Variants in DENND4B observed in about 807,000 individuals in gnomAD.
The protein encoded by DENND4B is DENN domain-containing protein 4B.
In DENND4B, 67 loss-of-function variants were observed where a neutral mutation model predicts 161.0. The ratio of observed to expected loss-of-function variants is 0.42; its 90% CI spans 0.34 to 0.51. DENND4B has a LOEUF of 0.51. DENND4B is among the 20% of genes least tolerant of loss of function. The pLI is 0.08. For synonymous variants in DENND4B, 753 were observed against 813.8 expected, an observed-to-expected ratio of 0.93 and a Z score of 1.27; for missense variants, 1,481 against 1,968.0, an observed-to-expected ratio of 0.75 and a Z score of 4.68.
At position 153,934,273 on chromosome 1, in the gene DENND4B, G is replaced by A. The variant is rs780801206; in HGVS notation, c.2803C>T (p.Arg935Cys). ...CAAGTAGTCTGGCGCTGAAGAGGGC[G>A]AGTAGGGGAAGGGCGCTCCAAATAG... ...EPYLERPSPT[R>C]PLQRQTTWAG... The change falls in exon 19 of 28, where the codon CGC (arginine) becomes TGC (cysteine). Residue 935 changes from arginine to cysteine, a missense_variant. Physicochemically the swap from Arg to Cys is radical, Grantham distance 180. Coordinates refer to ENST00000361217, the MANE Select transcript of DENND4B (RefSeq NM_014856.3). This position sits in a 1 kb window ranked among gnomAD's most constrained non-coding sequence, Gnocchi z 5.3. 1.0e-5 allele frequency: 16 copies of A among 1,595,264 alleles called. No homozygotes were observed. The highest frequency in any genetic ancestry group is 1.7e-4 in the Middle Eastern group (1 of 6,020).
Position 153,932,243 on chromosome 1 carries a change from G to T in DENND4B, c.3957C>A (p.Gly1319=), listed in dbSNP as rs1180900626. Reference sequence around the variant, plus strand: ...GCCCATCACAGGAGGCCAGCACCAGGCCTGGTAGAATACTGGGCAGGCGTA... The same window carrying T: ...GCCCATCACAGGAGGCCAGCACCAGTCCTGGTAGAATACTGGGCAGGCGTA... ...QRLRLPSILP[G]LVLASCDGPS... The change falls in exon 24 of 28, where the codon GGC becomes GGA. Residue 1319 remains glycine (G), a synonymous_variant. Transcript: ENST00000361217. The surrounding 1 kb of genome is among the most constrained non-coding windows in gnomAD (Gnocchi z 5.8). 1 of 1,613,992 alleles carries T rather than the reference G, an allele frequency of 6.2e-7. No homozygotes were observed. The highest frequency in any genetic ancestry group is 1.1e-5 in the South Asian group (1 of 91,078).
intron 11 of DENND4B, 45 bp from the exon 12 acceptor site, chr1:153,939,849 G>C (rs752663070): frequency 4.5e-5 from 71 of 1,585,208 alleles, no homozygotes; most frequent in Non-Finnish European, 5.9e-5. Flanking sequence ...CTCCCATAGT[G>C]TTACCCTCAA....
At chr1:153,931,107 G>GT (rs1678896388) in intron 24 of DENND4B, 43 bp from the exon 25 acceptor site, 1 of 1,487,514 alleles carries the variant, frequency 6.7e-7, no homozygotes, top group Non-Finnish European at 9.2e-7. Context: ...CTCAACGAAT[G>GT]GGAGGCAGAG....
Position 153,939,718 on chromosome 1 carries a change from G to A in DENND4B, c.1690C>T (p.Arg564Cys), listed in dbSNP as rs1480937743. The A allele has an allele frequency of 1.7e-5, 28 of 1,613,924 alleles. No homozygotes were observed. Among genetic ancestry groups the A allele is most frequent in the East Asian group, 6.7e-5 (3 of 44,864 alleles). Reference protein sequence around the residue: ...AVCGRRARLEREVQGAFLRFM... With the variant: ...AVCGRRARLECEVQGAFLRFM... ...CGGAGGAAGGCTCCTTGGACTTCGC[G>A]CTCCAGCCGGGCCCTGCGGCCACAC... The change falls in exon 12 of 28, where the codon CGC (arginine) becomes TGC (cysteine). Residue 564 changes from arginine (R) to cysteine (C), a missense_variant. By Grantham distance (180) the Arg-to-Cys change is radical. Around this residue, in one of 3 missense-constraint regions of DENND4B, gnomAD observed 806 missense variants for 1,134.4 expected, o/e 0.71. Coordinates refer to ENST00000361217, the MANE Select transcript of DENND4B (RefSeq NM_014856.3).
At position 153,932,401 on chromosome 1, in the gene DENND4B, G is replaced by A. The variant is rs1294996915; in HGVS notation, c.3799C>T (p.Leu1267=). The A allele has an allele frequency of 2.5e-6, 4 of 1,613,214 alleles. No individual in the cohort carries two copies. The highest frequency in any genetic ancestry group is 2.5e-6 in the Non-Finnish European group (3 of 1,179,566). The change falls in exon 24 of 28, where the codon CTG becomes TTG. Residue 1267 remains leucine, a synonymous_variant. Coordinates refer to ENST00000361217, the MANE Select transcript of DENND4B (RefSeq NM_014856.3). This position sits in a 1 kb window ranked among gnomAD's most constrained non-coding sequence, Gnocchi z 5.8. The part of the protein sequence containing the change: ...RRVESGAWAY[L]SPLVLRKELE... The stretch of plus-strand genomic sequence containing the variant: ...TCCTTACGCAGCACCAGGGGGCTCA[G>A]GTATGCCCATGCCCCACTCTCAACC...
Position 153,937,932 on chromosome 1 carries a change from G to C in DENND4B, c.1966-69C>G. 2 of 1,596,884 alleles carry C rather than the reference G, an allele frequency of 1.3e-6. No homozygotes were observed. The highest frequency in any genetic ancestry group is 8.6e-7 in the Non-Finnish European group (1 of 1,168,852). On this transcript the variant is annotated intron_variant, in intron 13 of 27. Coordinates refer to ENST00000361217, the MANE Select transcript of DENND4B (RefSeq NM_014856.3). The surrounding 1 kb of genome is among the most constrained non-coding windows in gnomAD (Gnocchi z 4.7). ...TGGAGCAGAGCCAGGGTGTCTAGAC[G>C]ATGGCATCTCCCAGGAAAGCTCATC... is the stretch of plus-strand genomic sequence containing the variant.
rs747839376 is a variant in DENND4B at position 153,936,687 on chromosome 1, C to G, written c.2294G>C (p.Arg765Pro). Residue 765 changes from arginine (R) to proline (P), a missense_variant, in exon 16 of 28, where the codon CGG becomes CCG. By Grantham distance (103) the Arg-to-Pro change is moderately radical. Coordinates refer to ENST00000361217, the MANE Select transcript of DENND4B (RefSeq NM_014856.3). The surrounding 1 kb of genome is among the most constrained non-coding windows in gnomAD (Gnocchi z 4.1). ...KSAAVPELWA[R>P]CLLGHCYGLW... ...CCCATAGCAGTGCCCCAGCAGGCAC[C>G]GGGCCCACAGCTCAGGCACAGCTGC... The G allele has an allele frequency of 6.2e-7, 1 of 1,612,326 alleles. No homozygotes were observed. The highest frequency in any genetic ancestry group is 2.2e-5 in the East Asian group (1 of 44,866).
chr1:153,944,473 C>T lies in DENND4B; in HGVS notation c.-23-76G>A. ...ATGGCAACCAGGGTACCCTCTTGCT[C>T]CCCTCCTCTTCCTAGTCCTTCCAAA... On this transcript the variant is annotated intron_variant, in intron 1 of 27. Coordinates refer to ENST00000361217, the MANE Select transcript of DENND4B (RefSeq NM_014856.3). This position sits in a 1 kb window ranked among gnomAD's most constrained non-coding sequence, Gnocchi z 4.8. 1 of 1,390,654 alleles carries T rather than the reference C, an allele frequency of 7.2e-7. No homozygotes were observed. The highest frequency in any genetic ancestry group is 2.6e-5 in the Admixed American group (1 of 38,428). The allele number at this position is 1,390,654 out of a possible 1,614,324, so 86.1% of individuals were successfully genotyped here.
chr1:153,939,273 CT>C (rs1159331519), intron 12 of DENND4B, among the ~76,000 whole-genome samples: 1 of 137,192 alleles, frequency 7.3e-6, no homozygotes, highest in Non-Finnish European at 1.6e-5. Context: ...CTGCCTCAGA[CT>C]GGGGGGGGTC....
intron 17 of DENND4B, 131 bp downstream of exon 17, chr1:153,935,929 G>T: frequency 8.5e-7 from 1 of 1,176,876 alleles, no homozygotes; most frequent in Non-Finnish European, 1.2e-6. Flanking sequence ...AGTGCAATGT[G>T]GATGACAGTG....
Position 153,946,514 on chromosome 1 carries a change from C to T in DENND4B, c.-237G>A. The T allele has an allele frequency of 2.6e-6, 1 of 389,932 alleles. No homozygotes were observed. Among genetic ancestry groups the T allele is most frequent in the Non-Finnish European group, 4.5e-6 (1 of 220,332 alleles). 24.2% of individuals were successfully genotyped at this position (389,932 alleles called of 1,614,324 possible). On this transcript the variant is annotated 5_prime_UTR_variant, in exon 1 of 28. Coordinates refer to ENST00000361217, the MANE Select transcript of DENND4B (RefSeq NM_014856.3). This position sits in a 1 kb window ranked among gnomAD's most constrained non-coding sequence, Gnocchi z 6.3. The stretch of plus-strand genomic sequence containing the variant: ...GAGATCCGGGCGGTCCCCGCGTCCC[C>T]GCCGCGCTGCGCCACGCGGGGACTG...
Position 153,933,140 on chromosome 1 carries a change from G to A in DENND4B, c.3453+57C>T, listed in dbSNP as rs1679070207. 6.2e-7 allele frequency: 1 copy of A among 1,611,764 alleles called. No individual in the cohort carries two copies. Among genetic ancestry groups the A allele is most frequent in the Admixed American group, 1.7e-5 (1 of 59,552 alleles). ...TCCTCCCCATCTCCTGCCTTGGACA[G>A]GGTGAGTGTGTGCTATGTGTGTTCA... On this transcript the variant is annotated intron_variant, in intron 21 of 27. Transcript: ENST00000361217. The surrounding 1 kb of genome is among the most constrained non-coding windows in gnomAD (Gnocchi z 5.7).
At chr1:153,931,568 G>C (rs1361479822) in intron 24 of DENND4B, among the ~76,000 whole-genome samples, 1 of 150,098 alleles carries the variant, frequency 6.7e-6, no homozygotes, top group African/African-American at 2.5e-5. Context: ...CGCGATCTCA[G>C]CTCACTGCAA....
At chr1:153,945,104 A>G in intron 1 of DENND4B, 1 of 1,289,264 alleles carries the variant, frequency 7.8e-7, no homozygotes, top group Non-Finnish European at 1.0e-6. Context: ...GCCCAGAGAC[A>G]GAAACAGGCC....
intron 6 of DENND4B, 94 bp downstream of exon 6, chr1:153,941,775 G>GGCCTCC: frequency 7.5e-7 from 1 of 1,338,174 alleles, no homozygotes. Context: ...CCTGTGCCCA[G>GGCCTCC]CCCTCCCCCC....
In DENND4B at chr1:153,934,054, G is replaced by A; in HGVS notation, c.2941+81C>T. ...ACCACAGAGGGCCGCCCTCCACTCT[G>A]TTTCTGGTCTTCCCCACCTCACTAG... is the stretch of plus-strand genomic sequence containing the variant. On this transcript the variant is annotated intron_variant, in intron 19 of 27. Transcript: ENST00000361217. The surrounding 1 kb of genome is among the most constrained non-coding windows in gnomAD (Gnocchi z 5.3). 2 of 1,471,850 alleles carry A rather than the reference G, an allele frequency of 1.4e-6. No individual in the cohort carries two copies. Among genetic ancestry groups the A allele is most frequent in the Non-Finnish European group, 1.8e-6 (2 of 1,112,790 alleles). The allele number at this position is 1,471,850 out of a possible 1,614,324, so 91.2% of individuals were successfully genotyped here. A position where few individuals can be genotyped will look rare whatever the true frequency, so the allele number is the denominator to read the frequency against.
chr1:153,938,715 G>T (rs1679494682), intron 13 of DENND4B, among the ~76,000 whole-genome samples, 185 bp downstream of exon 13: 2 of 149,982 alleles, frequency 1.3e-5, no homozygotes, highest in Non-Finnish European at 1.5e-5. Context: ...AAAAAAAAAT[G>T]AAAAATAAGA....
rs893651550 is a variant in DENND4B, at chr1:153,930,261, T to G, written c.*36A>C. The G allele has an allele frequency of 6.3e-7, 1 of 1,598,128 alleles. No homozygotes were observed. The highest frequency in any genetic ancestry group is 1.3e-5 in the African/African-American group (1 of 74,670). ...ACTCTAGAATCCCTTCTTCCTCACT[T>G]CCCCACCCTAGGCTGGAGAGGGAAG... On this transcript the variant is annotated 3_prime_UTR_variant, in exon 28 of 28. Coordinates refer to ENST00000361217, the MANE Select transcript of DENND4B (RefSeq NM_014856.3). This position sits in a 1 kb window ranked among gnomAD's most constrained non-coding sequence, Gnocchi z 4.7.
At chr1:153,939,157 A>G in intron 12 of DENND4B, 112 bp from the exon 13 acceptor site, 1 of 1,341,138 alleles carries the variant, frequency 7.5e-7, no homozygotes, top group Admixed American at 2.2e-5. Flanking sequence ...CCAAAGCCAT[A>G]ATCTCTTGGA....
Sources: allele counts gnomAD v4.1 joint callset (sites outside exome capture counted in the v4.1 genomes callset), GRCh38; gene constraint gnomAD v4.1.1; regional missense constraint gnomAD v4.1.1; non-coding constraint Gnocchi (gnomAD v3.1); transcripts MANE v1.5; gene names NCBI Gene and HGNC (gene_info 2026-07-23, HGNC 2026-07-21).